Variants in MMP16 observed in about 807,000 individuals in gnomAD.
The protein encoded by MMP16 is matrix metallopeptidase 16.
In MMP16, 12 loss-of-function variants were observed where a neutral mutation model predicts 67.8. The ratio of observed to expected loss-of-function variants is 0.18; its 90% confidence interval spans 0.11 to 0.29. MMP16 has a LOEUF of 0.29. Among genes scored for constraint, MMP16 ranks in the 10% least tolerant of loss-of-function variants. The probability of loss-of-function intolerance (pLI) is 1.00; values close to 1 mark genes in which losing one functional copy is unlikely to be tolerated. For synonymous variants in MMP16, 249 were observed against 255.9 expected (o/e 0.97, Z 0.26); for missense variants, 475 against 765.7 (o/e 0.62, Z 4.48).
Position 88,037,116 on chromosome 8 carries a change from C to T in MMP16, c.*4345G>A, listed in dbSNP as rs1317152800. ...CACAAAGTGTGGGCGTGTATGTGTA[C>T]CATACTAGATATATTAGCATAACAT... On this transcript the variant is annotated 3_prime_UTR_variant, in exon 10 of 10. Coordinates refer to ENST00000286614, the MANE Select transcript of MMP16 (RefSeq NM_005941.5). The T allele has an allele frequency of 6.7e-6, 1 of 149,448 alleles. No homozygotes were observed. Among genetic ancestry groups the T allele is most frequent in the East Asian group, 2.0e-4 (1 of 5,122 alleles). The allele number at this position is 149,448 out of a possible 1,614,324, so 9.3% of individuals were successfully genotyped here. A position where few individuals can be genotyped will look rare whatever the true frequency, so the allele number is the denominator to read the frequency against.
rs767590796 is a variant in MMP16, at chr8:88,118,788, A to G, written c.783T>C (p.Thr261=). ...ALGLEHSNDP[T]AIMAPFYQYM... Reference sequence around the variant, plus strand: ...ACTGGTAAAATGGAGCCATGATGGCAGTGGGGTCATTGGAATGCTCCAATC... The same window carrying G: ...ACTGGTAAAATGGAGCCATGATGGCGGTGGGGTCATTGGAATGCTCCAATC... The change falls in exon 5 of 10, where the codon ACT becomes ACC. Residue 261 remains threonine (T), a synonymous_variant. Coordinates refer to ENST00000286614, the MANE Select transcript of MMP16 (RefSeq NM_005941.5). 2.9e-5 allele frequency: 46 copies of G among 1,613,378 alleles called. No individual in the cohort carries two copies. The highest frequency in any genetic ancestry group is 3.8e-5 in the Non-Finnish European group (45 of 1,179,550).
chr8:88,118,811 A>G lies in MMP16; in HGVS notation c.760T>C (p.Leu254=). ...AVHELGHALG[L]EHSNDPTAIM... ...GCAGTGGGGTCATTGGAATGCTCCA[A>G]TCCCAGAGCATGTCCCAGTTCATGG... The change falls in exon 5 of 10, where the codon TTG becomes CTG. Residue 254 remains leucine (L), a synonymous_variant. Transcript: ENST00000286614. 1 of 1,613,270 alleles carries G rather than the reference A, an allele frequency of 6.2e-7. No individual in the cohort carries two copies. Among genetic ancestry groups the G allele is most frequent in the Non-Finnish European group, 8.5e-7 (1 of 1,179,482 alleles).
chr8:88,245,070 A>C (rs1346246152), intron 1 of MMP16, among the ~76,000 whole-genome samples: 1 of 152,134 alleles, frequency 6.6e-6, no homozygotes, highest in East Asian at 1.9e-4. Context: ...GTTTTAATTC[A>C]AAATCTCTAT....
At chr8:88,066,794 CGA>C in intron 7 of MMP16, among the ~76,000 whole-genome samples, 1 of 152,056 alleles carries the variant, frequency 6.6e-6, no homozygotes, top group South Asian at 2.1e-4. Flanking sequence ...TTACTTGTAC[CGA>C]TAATCATTTC....
intron 4 of MMP16, among the ~76,000 whole-genome samples, chr8:88,140,224 G>C (rs1359190696): frequency 6.6e-6 from 1 of 152,114 alleles, no homozygotes; most frequent in Non-Finnish European, 1.5e-5. Context: ...TGGGTCTCGG[G>C]TCTCATATGG....
intron 7 of MMP16, among the ~76,000 whole-genome samples, chr8:88,070,420 G>A (rs913374812): frequency 4.6e-5 from 7 of 152,124 alleles, no homozygotes; most frequent in African/African-American, 1.7e-4. Flanking sequence ...GTTGGGGGCA[G>A]CCGGTACTAT....
chr8:88,188,239 C>G (rs145904238), intron 2 of MMP16, among the ~76,000 whole-genome samples: 1 of 151,996 alleles, frequency 6.6e-6, no homozygotes. Context: ...GGTGTGCCTA[C>G]GATGATTTAA....
At chr8:88,079,754 C>T (rs1808715188) in intron 6 of MMP16, among the ~76,000 whole-genome samples, 1 of 152,054 alleles carries the variant, frequency 6.6e-6, no homozygotes, top group African/African-American at 2.4e-5. Context: ...AAGGCAGAAC[C>T]CAAATAAATG....
intron 1 of MMP16, among the ~76,000 whole-genome samples, chr8:88,263,638 T>C (rs960745049): frequency 1.3e-5 from 2 of 152,200 alleles, no homozygotes; most frequent in Admixed American, 6.5e-5. Context: ...CTACTCCTTA[T>C]GTCTTTTCAA....
chr8:88,032,921 ACT>A lies in MMP16; in HGVS notation c.*8538_*8539del. The A allele has an allele frequency of 6.6e-6, 1 of 152,182 alleles. No individual in the cohort carries two copies. Among genetic ancestry groups the A allele is most frequent in the African/African-American group, 2.4e-5 (1 of 41,540 alleles). 9.4% of individuals were successfully genotyped at this position (152,182 alleles called of 1,614,324 possible). On this transcript the variant is annotated 3_prime_UTR_variant, in exon 10 of 10. Transcript: ENST00000286614. ...CAGAAACTTAAATCTAGATTTTAAT[ACT>A]CTCTCCATAATTGAAAACATCATGG...
At chr8:88,148,850 G>C (rs143035587) in intron 4 of MMP16, among the ~76,000 whole-genome samples, 2,438 of 152,268 alleles carry the variant, frequency 0.016, 25 homozygotes, top group Middle Eastern at 0.024. Flanking sequence ...GTGTATTATG[G>C]GGAGGAGCCA....
At chr8:88,267,442 T>C (rs768836538) in intron 1 of MMP16, among the ~76,000 whole-genome samples, 1 of 152,206 alleles carries the variant, frequency 6.6e-6, no homozygotes, top group Non-Finnish European at 1.5e-5. Flanking sequence ...CCTGCTAATA[T>C]AACACTTGCA....
At chr8:88,077,198 T>C (rs10504853) in intron 6 of MMP16, among the ~76,000 whole-genome samples, 25,485 of 152,222 alleles carry the variant, frequency 0.17, 2,477 homozygotes, top group Non-Finnish European at 0.22. Flanking sequence ...GTTGTGCCTC[T>C]ATTCAACTTA....
chr8:88,040,423 T>G lies in MMP16; in HGVS notation c.*1038A>C, dbSNP rs1411384984. 1 of 152,496 alleles carries G rather than the reference T, an allele frequency of 6.6e-6. No homozygotes were observed. The highest frequency in any genetic ancestry group is 2.4e-5 in the African/African-American group (1 of 41,458). The allele number at this position is 152,496 out of a possible 1,614,324, so 9.4% of individuals were successfully genotyped here. On this transcript the variant is annotated 3_prime_UTR_variant, in exon 10 of 10. Coordinates refer to ENST00000286614, the MANE Select transcript of MMP16 (RefSeq NM_005941.5). ...CGCAAGACCGACAATCCTAAGACTC[T>G]GAAAGCTGGTCTGATAGTTCTCAAA... is the stretch of plus-strand genomic sequence containing the variant.
In MMP16 at chr8:88,116,634, T is replaced by C. The variant is rs1021800917; in HGVS notation, c.956A>G (p.Lys319Arg). 3 of 1,613,932 alleles carry C rather than the reference T, an allele frequency of 1.9e-6. No individual in the cohort carries two copies. The highest frequency in any genetic ancestry group is 1.6e-4 in the Middle Eastern group (1 of 6,062). Reference sequence around the variant, plus strand: ...CCGAGGAGGTTTTGGCCTGTCATTTTTCCTTGGGTCAGCCGGAGGAATAGA... The same window carrying C: ...CCGAGGAGGTTTTGGCCTGTCATTTCTCCTTGGGTCAGCCGGAGGAATAGA... ...HRSIPPADPR[K>R]NDRPKPPRPP... Residue 319 changes from lysine to arginine, a missense_variant, in exon 6 of 10, where the codon AAA (lysine) becomes AGA (arginine). Lys to Arg is a conservative substitution (Grantham distance 26). Around this residue, in one of 5 missense-constraint regions of MMP16, gnomAD observed 195 missense variants for 300.9 expected, o/e 0.65. Coordinates refer to ENST00000286614, the MANE Select transcript of MMP16 (RefSeq NM_005941.5).
At chr8:88,269,042 T>C (rs574696418) in intron 1 of MMP16, among the ~76,000 whole-genome samples, 5 of 152,100 alleles carry the variant, frequency 3.3e-5, no homozygotes. Flanking sequence ...GCACTCAGTT[T>C]TATATATAAC....
chr8:88,143,363 CTT>C (rs979037322), intron 4 of MMP16, among the ~76,000 whole-genome samples: 2 of 152,066 alleles, frequency 1.3e-5, no homozygotes, highest in African/African-American at 4.8e-5. Flanking sequence ...CTCAAAGACT[CTT>C]TTATTTTCTT....
intron 4 of MMP16, among the ~76,000 whole-genome samples, chr8:88,133,930 T>G (rs1156950997): frequency 6.6e-6 from 1 of 151,682 alleles, no homozygotes; most frequent in Non-Finnish European, 1.5e-5. Flanking sequence ...GGAAAGAAGG[T>G]AGATTGCAAT....
chr8:88,240,936 C>A (rs1810023846), intron 1 of MMP16, among the ~76,000 whole-genome samples: 2 of 152,158 alleles, frequency 1.3e-5, no homozygotes, highest in African/African-American at 4.8e-5. Context: ...TTTTCTACTT[C>A]ATTAATTTAT....
Sources: allele counts gnomAD v4.1 joint callset (sites outside exome capture counted in the v4.1 genomes callset), GRCh38; gene constraint gnomAD v4.1.1; regional missense constraint gnomAD v4.1.1; transcripts MANE v1.5; gene names NCBI Gene and HGNC (gene_info 2026-07-23, HGNC 2026-07-21).